CARF: variants seen among roughly 807,000 people sequenced by gnomAD.
CARF encodes calcium responsive transcription factor, also known as calcium-responsive transcription factor.
A neutral mutation model predicts 82.0 loss-of-function variants in CARF; 57 were observed. The ratio of observed to expected loss-of-function variants is 0.70; its 90% CI spans 0.56 to 0.87. The LOEUF is 0.87. CARF is among the 40% of genes least tolerant of loss of function. CARF has a pLI of 0.00. For synonymous variants in CARF, 268 were observed against 290.1 expected, an observed-to-expected ratio of 0.92 and a Z score of 0.77; for missense variants, 771 against 855.8, an observed-to-expected ratio of 0.90 and a Z score of 1.24.
intron 2 of CARF, among the ~76,000 whole-genome samples, chr2:202,921,256 C>T (rs1012219164): frequency 2.6e-5 from 4 of 152,188 alleles, no homozygotes; most frequent in Admixed American, 1.3e-4. Context: ...CTGCCTTGGC[C>T]TCCCAAAGTG....
At position 202,942,975 on chromosome 2, in the gene CARF, T is replaced by C. The variant is rs979494181; in HGVS notation, c.306+8T>C. The C allele has an allele frequency of 1.2e-6, 2 of 1,608,772 alleles. No individual in the cohort carries two copies. The highest frequency in any genetic ancestry group is 1.7e-6 in the Non-Finnish European group (2 of 1,175,968). ...GAATCCAATGCACAAATGGTGAGTA[T>C]ATTTTATAAGTAACCAGTTTTATGC... On this transcript the variant is annotated splice_region_variant and intron_variant, in intron 5 of 16. Coordinates refer to ENST00000438828, the MANE Select transcript of CARF (RefSeq NM_024744.17).
chr2:202,942,017 G>C (rs533756170), intron 4 of CARF, 37 bp downstream of exon 4: 26 of 1,499,160 alleles, frequency 1.7e-5, no homozygotes, highest in Non-Finnish European at 2.4e-5. Context: ...CCATCCTAGG[G>C]TAAAACAGCA....
At chr2:202,952,122 T>C (rs763191721) in intron 5 of CARF, among the ~76,000 whole-genome samples, 2 of 152,180 alleles carry the variant, frequency 1.3e-5, no homozygotes, top group African/African-American at 2.4e-5. Context: ...TGAGCCACCA[T>C]GCCTGACCAA....
chr2:202,971,187 T>C lies in CARF; in HGVS notation c.1098-318T>C, dbSNP rs140530448. ...TTCTCATGAACCCAAAATAATACAA[T>C]TAATATGAAATTTAAAATGCCATTT... On this transcript the variant is annotated intron_variant, in intron 11 of 16. Coordinates refer to ENST00000438828, the MANE Select transcript of CARF (RefSeq NM_024744.17). Among the ~76,000 whole-genome samples, 95 of 152,270 alleles carry C rather than the reference T, an allele frequency of 6.2e-4. No individual in the cohort carries two copies. The East Asian group carries it at 0.018, about 29-fold the overall frequency.
intron 3 of CARF, among the ~76,000 whole-genome samples, chr2:202,933,924 C>A (rs897080414): frequency 2.6e-5 from 4 of 151,798 alleles, no homozygotes; most frequent in Non-Finnish European, 4.4e-5. Context: ...GGGAACACAG[C>A]TTTCTTTCCT....
At chr2:202,933,290 CT>C in intron 3 of CARF, among the ~76,000 whole-genome samples, 1 of 152,264 alleles carries the variant, frequency 6.6e-6, no homozygotes, top group South Asian at 2.1e-4. Flanking sequence ...GGAACTGTGG[CT>C]ACTCAGCCCC....
Position 202,961,415 on chromosome 2 carries a change from T to C in CARF, c.821T>C (p.Phe274Ser). Residue 274 changes from phenylalanine (F) to serine (S), a missense_variant, in exon 9 of 17, where the codon TTT (phenylalanine) becomes TCT (serine). By Grantham distance (155) the Phe-to-Ser change is radical (BLOSUM62 -2). Coordinates refer to ENST00000438828, the MANE Select transcript of CARF (RefSeq NM_024744.17). ...TATGTTCCATATGATGGAATCCCAT[T>C]TGTTAATGCAGGTACTTTTTTAAAG... Reference protein sequence around the residue: ...SQYVPYDGIPFVNAGSRAVVM... With the variant: ...SQYVPYDGIPSVNAGSRAVVM... 6.2e-7 allele frequency: 1 copy of C among 1,613,964 alleles called. No homozygotes were observed. Among genetic ancestry groups the C allele is most frequent in the Non-Finnish European group, 8.5e-7 (1 of 1,179,812 alleles).
chr2:202,945,845 T>A (rs1385730569), intron 5 of CARF, among the ~76,000 whole-genome samples: 1 of 152,216 alleles, frequency 6.6e-6, no homozygotes, highest in East Asian at 1.9e-4. Context: ...GATTGCTGGG[T>A]TGAATGGTGG....
rs1292344766 is a variant in CARF at position 202,946,711 on chromosome 2, CAGAATGGG to C, written c.306+3749_306+3756del. 2.0e-5 allele frequency among the ~76,000 whole-genome samples: 3 copies of C among 152,242 alleles called. No homozygotes were observed. The East Asian group carries it at 5.8e-4, about 29-fold the overall frequency. ...ACTATCAGAGTGAACAGGCAACCTACAGAATGGGAGAAAATTTTTGCAAGCTATCTATC... is the reference window on the plus strand; with the variant it reads ...ACTATCAGAGTGAACAGGCAACCTACAGAAAATTTTTGCAAGCTATCTATC... On this transcript the variant is annotated intron_variant, in intron 5 of 16. Transcript: ENST00000438828.
chr2:202,928,344 A>G (rs527745257), intron 3 of CARF, among the ~76,000 whole-genome samples: 2 of 152,268 alleles, frequency 1.3e-5, no homozygotes, highest in East Asian at 3.9e-4. Flanking sequence ...TTGTGTATAT[A>G]TACCACATTT....
intron 5 of CARF, among the ~76,000 whole-genome samples, chr2:202,951,894 G>A (rs545386420): frequency 8.6e-5 from 13 of 150,880 alleles, no homozygotes; most frequent in Non-Finnish European, 1.5e-4. Context: ...GTATAGTGGC[G>A]CGATCTCGGC....
chr2:202,949,520 TTATTATTATTATTATTATTATTA>T (rs2058661843), intron 5 of CARF, among the ~76,000 whole-genome samples: 27 of 89,948 alleles, frequency 3.0e-4, no homozygotes, highest in Non-Finnish European at 3.4e-4. Context: ...TATTTATTTA[TTATTATTATTATTATTATTATTA>T]TTATTATTAT....
intron 8 of CARF, among the ~76,000 whole-genome samples, chr2:202,958,280 T>TGTGTGTGTGTGTGTGTGTGTG (rs2059145709): frequency 6.6e-6 from 1 of 151,018 alleles, no homozygotes; most frequent in African/African-American, 2.4e-5. Flanking sequence ...TGTGTGTGTG[T>TGTGTGTGTGTGTGTGTGTGTG]AGTTTTAGCT....
intron 9 of CARF, chr2:202,963,247 G>C (rs976263529): frequency 6.6e-6 from 1 of 151,506 alleles, no homozygotes; most frequent in South Asian, 2.1e-4. Flanking sequence ...GAACCCAGGA[G>C]GCGGAGCTTG....
At chr2:202,977,908 C>T (rs1288689307) in intron 14 of CARF, among the ~76,000 whole-genome samples, 7 of 152,122 alleles carry the variant, frequency 4.6e-5, no homozygotes, top group African/African-American at 9.7e-5. Context: ...TGCAGTGGTG[C>T]GTTCTCGGCT....
rs200547023 is a variant in CARF, at chr2:202,967,098, G to A, written c.953G>A (p.Arg318Gln). 1.4e-5 allele frequency: 22 copies of A among 1,610,048 alleles called. 1 individual carries two copies. Among genetic ancestry groups the A allele is most frequent in the South Asian group, 2.2e-5 (2 of 90,328 alleles). ...CQLYKATCPA[R>Q]IYIKKVQKFP... ...CTCTACAAAGCCACTTGTCCAGCTC[G>A]GTAAGCTTTATTTTCTTTTATTTGT... Residue 318 changes from arginine (R) to glutamine (Q), a missense_variant and splice_region_variant, in exon 10 of 17, where the codon CGG becomes CAG. Physicochemically the swap from Arg to Gln is conservative, Grantham distance 43. Coordinates refer to ENST00000438828, the MANE Select transcript of CARF (RefSeq NM_024744.17).
rs1256973831 is a variant in CARF at position 202,987,046 on chromosome 2, A to C, written c.*3422A>C. On this transcript the variant is annotated 3_prime_UTR_variant, in exon 17 of 17. Transcript: ENST00000438828. ...TTTGTTCATCTTGAAGATGCTGAAT[A>C]AACACTTGAATACCCGAGAATTTTG... The C allele has an allele frequency of 6.6e-6, 1 of 150,918 alleles. No individual in the cohort carries two copies. Among genetic ancestry groups the C allele is most frequent in the Non-Finnish European group, 1.5e-5 (1 of 67,800 alleles). The allele number at this position is 150,918 out of a possible 1,614,324, so 9.3% of individuals were successfully genotyped here.
chr2:202,926,811 T>C (rs1352075204), intron 3 of CARF, among the ~76,000 whole-genome samples: 1 of 152,176 alleles, frequency 6.6e-6, no homozygotes, highest in Non-Finnish European at 1.5e-5. Flanking sequence ...ATATCTCTTG[T>C]CAAGTTTATT....
At chr2:202,919,195 C>T (rs1054469308) in intron 2 of CARF, among the ~76,000 whole-genome samples, 2 of 152,056 alleles carry the variant, frequency 1.3e-5, no homozygotes, top group African/African-American at 2.4e-5. Flanking sequence ...CTTTTTAACT[C>T]GTTTTAAAGG....
Sources: allele counts gnomAD v4.1 joint callset (sites outside exome capture counted in the v4.1 genomes callset), GRCh38; gene constraint gnomAD v4.1.1; transcripts MANE v1.5; gene names NCBI Gene and HGNC (gene_info 2026-07-23, HGNC 2026-07-21).